Variants in NUP50 observed in about 807,000 individuals in gnomAD.
NUP50 encodes the protein nucleoporin 50, also known as nuclear pore complex protein Nup50.
NUP50 carries 14 observed loss-of-function variants against 36.8 expected under a neutral mutation model. The ratio of observed to expected loss-of-function variants is 0.38; its 90% confidence interval spans 0.25 to 0.59. The LOEUF is 0.59. NUP50 is among the 20% of genes least tolerant of loss of function. The pLI, the probability that NUP50 is intolerant of heterozygous loss-of-function variation, is 0.63. For synonymous variants in NUP50, 195 were observed against 210.8 expected, an observed-to-expected ratio of 0.93 and a Z score of 0.65; for missense variants, 455 against 564.6, an observed-to-expected ratio of 0.81 and a Z score of 1.97.
intron 6 of NUP50, 99 bp from the exon 7 acceptor site, chr22:45,183,303 T>TA: frequency 1.4e-6 from 1 of 723,772 alleles, no homozygotes; most frequent in Non-Finnish European, 2.5e-6. Context: ...ACTCATTTAA[T>TA]AGAGATTTTC....
At chr22:45,182,860 A>G (rs1277752023) in intron 6 of NUP50, among the ~76,000 whole-genome samples, 1 of 151,770 alleles carries the variant, frequency 6.6e-6, no homozygotes, top group Non-Finnish European at 1.5e-5. Context: ...TCCTGACCTC[A>G]TGATCTGCCT....
chr22:45,164,044 C>T lies in NUP50; in HGVS notation c.-263C>T, dbSNP rs2074054219. On this transcript the variant is annotated 5_prime_UTR_variant, in exon 1 of 8. Transcript: ENST00000347635. ...GCCCGGAGCGTGTTCGGCGCGGTTC[C>T]CCCAGCTGTCTCTGGCTGAACCGGC... The T allele has an allele frequency of 1.3e-5, 2 of 152,272 alleles. No individual in the cohort carries two copies. The highest frequency in any genetic ancestry group is 1.3e-4 in the Admixed American group (2 of 15,288). The allele number at this position is 152,272 out of a possible 1,614,324, so 9.4% of individuals were successfully genotyped here.
chr22:45,173,883 A>G (rs2074236542), intron 3 of NUP50, among the ~76,000 whole-genome samples: 1 of 152,204 alleles, frequency 6.6e-6, no homozygotes, highest in Admixed American at 6.5e-5. Flanking sequence ...TCCACAGATA[A>G]TTTTAGCTGT....
intron 3 of NUP50, among the ~76,000 whole-genome samples, chr22:45,173,984 A>C (rs1342211610): frequency 2.6e-5 from 4 of 152,182 alleles, no homozygotes; most frequent in African/African-American, 9.7e-5. Flanking sequence ...TAAATAGTGG[A>C]TTCAGTAGAT....
At chr22:45,173,437 T>A (rs1440794994) in intron 3 of NUP50, among the ~76,000 whole-genome samples, 1 of 151,888 alleles carries the variant, frequency 6.6e-6, no homozygotes, top group African/African-American at 2.4e-5. Context: ...TTGATGGCTC[T>A]TTCACTGGGA....
At chr22:45,173,267 A>G (rs1016651930) in intron 3 of NUP50, among the ~76,000 whole-genome samples, 1 of 151,670 alleles carries the variant, frequency 6.6e-6, no homozygotes, top group African/African-American at 2.4e-5. Context: ...GGTGTACAAC[A>G]TGGTCTTATT....
At position 45,187,589 on chromosome 22, in the gene NUP50, A is replaced by G. The variant is rs963695157; in HGVS notation, c.*2934A>G. On this transcript the variant is annotated 3_prime_UTR_variant, in exon 8 of 8. Coordinates refer to ENST00000347635, the MANE Select transcript of NUP50 (RefSeq NM_007172.4). The stretch of plus-strand genomic sequence containing the variant: ...CAGTTATTCTATTTCAGAAGAGTCA[A>G]AATTCAAGCACGATACATTTTGAAG... 6.6e-6 allele frequency: 1 copy of G among 152,336 alleles called. No homozygotes were observed. Among genetic ancestry groups the G allele is most frequent in the South Asian group, 2.1e-4 (1 of 4,832 alleles). 9.4% of individuals were successfully genotyped at this position (152,336 alleles called of 1,614,324 possible).
chr22:45,179,078 A>G (rs2074325348), intron 5 of NUP50, 178 bp downstream of exon 5: 1 of 568,076 alleles, frequency 1.8e-6, no homozygotes, highest in East Asian at 2.9e-5. Flanking sequence ...GCTTTATAAA[A>G]GAGTAAGACT....
At chr22:45,181,192 C>A in intron 5 of NUP50, 94 bp from the exon 6 acceptor site, 1 of 446,144 alleles carries the variant, frequency 2.2e-6, no homozygotes, top group Non-Finnish European at 3.8e-6. Context: ...TGGAGTGCTC[C>A]GGTGGAGGTT....
chr22:45,179,673 C>T (rs1569054381), intron 5 of NUP50, among the ~76,000 whole-genome samples: 1 of 152,262 alleles, frequency 6.6e-6, no homozygotes, highest in East Asian at 1.9e-4. Flanking sequence ...TCACCTGAGG[C>T]CAGGAGTTTG....
rs1601788166 is a variant in NUP50, at chr22:45,181,352, C to G, written c.1070C>G (p.Ala357Gly). 5 of 1,583,114 alleles carry G rather than the reference C, an allele frequency of 3.2e-6. No individual in the cohort carries two copies. The highest frequency in any genetic ancestry group is 4.3e-6 in the Non-Finnish European group (5 of 1,170,618). Residue 357 changes from alanine to glycine, a missense_variant, in exon 6 of 8, where the codon GCT (alanine) becomes GGT (glycine). Transcript: ENST00000347635. Reference protein sequence around the residue: ...VVVTEVKEEDAFYSKKCKLFY... With the variant: ...VVVTEVKEEDGFYSKKCKLFY... ...GTTACCGAAGTAAAAGAAGAAGATGCTTTTTACTCCAAAAAGTAAGAATCC... is the reference window on the plus strand; with the variant it reads ...GTTACCGAAGTAAAAGAAGAAGATGGTTTTTACTCCAAAAAGTAAGAATCC...
intron 6 of NUP50, among the ~76,000 whole-genome samples, chr22:45,183,084 G>T: frequency 1.3e-5 from 1 of 75,538 alleles, no homozygotes; most frequent in African/African-American, 4.6e-5. Flanking sequence ...GGGGTTGGGG[G>T]CGGGGGGGGG....
Position 45,178,585 on chromosome 22 carries a change from T to C in NUP50, c.688T>C (p.Leu230=). ...TCCTTCCCTTTTTGGCTCAACAAAA[T>C]TACAGCAAGAGTCAACGTTTTTGTT... ...QSPSLFGSTK[L]QQESTFLFHG... Residue 230 remains leucine (L), a synonymous_variant, in exon 5 of 8, where the codon TTA becomes CTA. Coordinates refer to ENST00000347635, the MANE Select transcript of NUP50 (RefSeq NM_007172.4). 3 of 1,611,932 alleles carry C rather than the reference T, an allele frequency of 1.9e-6. No homozygotes were observed. Among genetic ancestry groups the C allele is most frequent in the Non-Finnish European group, 2.5e-6 (3 of 1,179,850 alleles).
At chr22:45,179,328 A>G (rs1005826979) in intron 5 of NUP50, 1 of 157,730 alleles carries the variant, frequency 6.3e-6, no homozygotes, top group African/African-American at 2.4e-5. Context: ...ACTATACATT[A>G]CAAATGTAGA....
chr22:45,184,975 A>C lies in NUP50; in HGVS notation c.*320A>C. 1 of 339,938 alleles carries C rather than the reference A, an allele frequency of 2.9e-6. No individual in the cohort carries two copies. Among genetic ancestry groups the C allele is most frequent in the Non-Finnish European group, 5.5e-6 (1 of 180,258 alleles). The allele number at this position is 339,938 out of a possible 1,614,324, so 21.1% of individuals were successfully genotyped here. ...ATCAGGGTATCAATTTGCTTTCCCA[A>C]AGGCTCTTCCAACCCGTGGGTTTTG... On this transcript the variant is annotated 3_prime_UTR_variant, in exon 8 of 8. Coordinates refer to ENST00000347635, the MANE Select transcript of NUP50 (RefSeq NM_007172.4).
chr22:45,183,562 A>G (rs769727564), intron 7 of NUP50, 42 bp downstream of exon 7: 1 of 1,221,116 alleles, frequency 8.2e-7, no homozygotes, highest in Non-Finnish European at 1.2e-6. Context: ...ATCATCACAT[A>G]GTATATAAAA....
intron 1 of NUP50, 199 bp downstream of exon 1, chr22:45,164,495 GGACCA>G (rs940044168): frequency 8.7e-4 from 133 of 153,672 alleles, no homozygotes; most frequent in Non-Finnish European, 1.5e-3. Context: ...CGGGGCCGGG[GGACCA>G]GACCCTGGGG....
rs770987840 is a variant in NUP50 at position 45,168,150 on chromosome 22, C to T, written c.-10-18C>T. The T allele has an allele frequency of 6.4e-7, 1 of 1,563,008 alleles. No individual in the cohort carries two copies. The highest frequency in any genetic ancestry group is 8.7e-7 in the Non-Finnish European group (1 of 1,144,154). ...TATTCTTCTAGAAAAATAAACTCTT[C>T]TGTTTTCTATAACTTAGGTTCGAAA... On this transcript the variant is annotated intron_variant, in intron 1 of 7. Transcript: ENST00000347635.
intron 5 of NUP50, 137 bp from the exon 6 acceptor site, chr22:45,181,149 C>T (rs6007489): frequency 1.9e-5 from 2 of 103,106 alleles, no homozygotes; most frequent in Admixed American, 1.3e-4. Flanking sequence ...CCCCCCCCCC[C>T]ATTAAGTGTG....
Sources: allele counts gnomAD v4.1 joint callset (sites outside exome capture counted in the v4.1 genomes callset), GRCh38; gene constraint gnomAD v4.1.1; transcripts MANE v1.5; gene names NCBI Gene and HGNC (gene_info 2026-07-23, HGNC 2026-07-21).